The following OSBP2 variants were observed in gnomAD, a reference collection of about 807,000 sequenced individuals.
The protein encoded by OSBP2 is oxysterol binding protein 2, also known as oxysterol-binding protein 2.
OSBP2 carries 66 observed loss-of-function variants against 96.0 expected under a neutral mutation model. The observed-to-expected ratio is 0.69, with a 90% confidence interval of 0.56 to 0.84. The LOEUF (loss-of-function observed/expected upper bound fraction) is 0.84, where lower values mean the gene tolerates loss of function less well. Among genes scored for constraint, OSBP2 ranks in the 40% least tolerant of loss-of-function variants. OSBP2 has a pLI of 0.00. For missense variants in OSBP2, 1,038 were observed against 1,222.7 expected (o/e 0.85, Z 2.25); for synonymous variants, 525 against 520.9 (o/e 1.01, Z -0.11).
chr22:30,836,795 AC>A (rs1307154554), intron 2 of OSBP2, among the ~76,000 whole-genome samples: 1 of 152,090 alleles, frequency 6.6e-6, no homozygotes, highest in Admixed American at 6.5e-5. Flanking sequence ...GGTGATAATC[AC>A]TGGAGTTCTG....
At chr22:30,878,890 A>T (rs2039640001) in intron 3 of OSBP2, among the ~76,000 whole-genome samples, 1 of 151,882 alleles carries the variant, frequency 6.6e-6, no homozygotes, top group Non-Finnish European at 1.5e-5. Flanking sequence ...ACTTGGGGAC[A>T]CTCCAGCTGC....
chr22:30,854,606 C>T (rs1458447855), intron 2 of OSBP2, among the ~76,000 whole-genome samples: 1 of 150,794 alleles, frequency 6.6e-6, no homozygotes, highest in Non-Finnish European at 1.5e-5. Flanking sequence ...AACACACCCG[C>T]CCTATATGGT....
intron 2 of OSBP2, among the ~76,000 whole-genome samples, chr22:30,840,529 G>A (rs1300341818): frequency 1.3e-5 from 2 of 152,108 alleles, no homozygotes; most frequent in Non-Finnish European, 2.9e-5. Flanking sequence ...TAAAATCTCA[G>A]TTAGCCACTT....
At position 30,871,246 on chromosome 22, in the gene OSBP2, C is replaced by T. The variant is rs1022623183; in HGVS notation, c.1107+564C>T. On this transcript the variant is annotated intron_variant, in intron 3 of 13. Coordinates refer to ENST00000332585, the MANE Select transcript of OSBP2 (RefSeq NM_030758.4). The surrounding 1 kb of genome is among the most constrained non-coding windows in gnomAD (Gnocchi z 4.7). Reference sequence around the variant, plus strand: ...GTAACCGCAGTTGTAAACTAAGCAGCCCCGCCACAGGAGTCAGCCGCTCAC... The same window carrying T: ...GTAACCGCAGTTGTAAACTAAGCAGTCCCGCCACAGGAGTCAGCCGCTCAC... Among the ~76,000 whole-genome samples the T allele has an allele frequency of 6.6e-6, 1 of 152,150 alleles. No individual in the cohort carries two copies. Among genetic ancestry groups the T allele is most frequent in the Non-Finnish European group, 1.5e-5 (1 of 68,034 alleles).
chr22:30,702,633 TAAACA>T (rs572067425), intron 1 of OSBP2, among the ~76,000 whole-genome samples: 1 of 151,938 alleles, frequency 6.6e-6, no homozygotes, highest in Non-Finnish European at 1.5e-5. Flanking sequence ...ATAAAATAAA[TAAACA>T]AAACAAAACA....
chr22:30,729,764 G>A (rs2089715436), intron 1 of OSBP2, among the ~76,000 whole-genome samples: 2 of 151,970 alleles, frequency 1.3e-5, no homozygotes, highest in African/African-American at 4.8e-5. Flanking sequence ...CCAGTACTTT[G>A]AGAGGCCGAG....
At chr22:30,698,590 C>T (rs1192585256) in intron 1 of OSBP2, among the ~76,000 whole-genome samples, 2 of 151,844 alleles carry the variant, frequency 1.3e-5, no homozygotes, top group Non-Finnish European at 2.9e-5. Context: ...AGGCGTGCAC[C>T]ACCACGCCTG....
rs542713691 is a variant in OSBP2 at position 30,866,693 on chromosome 22, C to A, written c.854-3736C>A. Among the ~76,000 whole-genome samples, 5 of 152,098 alleles carry A rather than the reference C, an allele frequency of 3.3e-5. No individual in the cohort carries two copies. The East Asian group carries it at 9.7e-4, about 29-fold the overall frequency. ...TGGAGGTTGCAGTGAACCGAGATTG[C>A]GCCACTGCACTCCAGCCTGGGCGAC... is the stretch of plus-strand genomic sequence containing the variant. On this transcript the variant is annotated intron_variant, in intron 2 of 13. Coordinates refer to ENST00000332585, the MANE Select transcript of OSBP2 (RefSeq NM_030758.4).
At chr22:30,833,960 G>A (rs2038581806) in intron 2 of OSBP2, among the ~76,000 whole-genome samples, 1 of 151,768 alleles carries the variant, frequency 6.6e-6, no homozygotes, top group East Asian at 1.9e-4. Context: ...ATCAACACTT[G>A]TACACCCACC....
At chr22:30,708,730 C>T (rs749419060) in intron 1 of OSBP2, among the ~76,000 whole-genome samples, 20 of 150,396 alleles carry the variant, frequency 1.3e-4, no homozygotes, top group Non-Finnish European at 2.5e-4. Flanking sequence ...TCAGGTGATC[C>T]GCCCACTTCA....
intron 3 of OSBP2, among the ~76,000 whole-genome samples, chr22:30,886,032 G>A (rs1369527052): frequency 1.3e-5 from 2 of 152,222 alleles, no homozygotes; most frequent in African/African-American, 2.4e-5. Context: ...TTCACTGCAG[G>A]TGTCAACAAA....
chr22:30,719,528 G>A (rs183561304), intron 1 of OSBP2, among the ~76,000 whole-genome samples: 13 of 152,222 alleles, frequency 8.5e-5, no homozygotes, highest in Admixed American at 7.9e-4. Context: ...GCCAAGGTGA[G>A]TGGATCACTT....
In OSBP2 at chr22:30,868,078, C is replaced by T. The variant is rs1479860758; in HGVS notation, c.854-2351C>T. Among the ~76,000 whole-genome samples, 3 of 152,268 alleles carry T rather than the reference C, an allele frequency of 2.0e-5. No homozygotes were observed. The South Asian group carries it at 6.2e-4, about 31-fold the overall frequency. On this transcript the variant is annotated intron_variant, in intron 2 of 13. Coordinates refer to ENST00000332585, the MANE Select transcript of OSBP2 (RefSeq NM_030758.4). ...CCCTGGGCAATTTCAATGTACCTTT[C>T]CGTCCCCAGATCTACCTCACGGGGT...
chr22:30,747,885 A>G (rs2090024786), intron 2 of OSBP2, among the ~76,000 whole-genome samples: 1 of 151,878 alleles, frequency 6.6e-6, no homozygotes. Context: ...TTTTATTTTT[A>G]TTTATTTATA....
At chr22:30,888,050 T>TA (rs1471506794) in intron 4 of OSBP2, among the ~76,000 whole-genome samples, 173 bp from the exon 5 acceptor site, 1 of 152,006 alleles carries the variant, frequency 6.6e-6, no homozygotes, top group African/African-American at 2.4e-5. Context: ...CACATGATTC[T>TA]AGCAGAGGGA....
At chr22:30,831,794 A>G (rs1035987375) in intron 2 of OSBP2, among the ~76,000 whole-genome samples, 1 of 152,102 alleles carries the variant, frequency 6.6e-6, no homozygotes, top group Non-Finnish European at 1.5e-5. Flanking sequence ...CAATCCAGGC[A>G]TGGGTGAGAG....
intron 1 of OSBP2, among the ~76,000 whole-genome samples, chr22:30,737,315 CT>C (rs34541516): frequency 0.019 from 2,049 of 110,396 alleles, 53 homozygotes; most frequent in African/African-American, 0.067. Flanking sequence ...TGCGCCCGGC[CT>C]TTTTTTTTTT....
chr22:30,807,236 G>A (rs541756855), intron 2 of OSBP2, among the ~76,000 whole-genome samples: 7 of 152,160 alleles, frequency 4.6e-5, no homozygotes, highest in East Asian at 3.9e-4. Flanking sequence ...CTGCCCCCGC[G>A]AGACTCAGCT....
chr22:30,846,206 G>A (rs761460226), intron 2 of OSBP2, among the ~76,000 whole-genome samples: 2 of 151,966 alleles, frequency 1.3e-5, no homozygotes, highest in Non-Finnish European at 2.9e-5. Context: ...GAGTGCAGTG[G>A]TGTAATCTTG....
Sources: gnomAD v4.1 joint callset for allele counts (sites outside exome capture counted in the v4.1 genomes callset) on GRCh38, gnomAD v4.1.1 for gene constraint, Gnocchi (gnomAD v3.1) non-coding constraint, MANE v1.5 for transcripts, NCBI Gene and HGNC (gene_info 2026-07-23, HGNC 2026-07-21) for gene names.